TIAM2: variants seen among roughly 807,000 people sequenced by gnomAD.
The protein encoded by TIAM2 is rho guanine nucleotide exchange factor TIAM2.
In TIAM2, 80 loss-of-function variants were observed where a neutral mutation model predicts 152.9. That is an observed-to-expected ratio of 0.52 (90% confidence interval 0.44 to 0.63). The LOEUF is 0.63. Ranked by LOEUF, TIAM2 falls within the 30% of genes least tolerant of loss-of-function variation. The pLI, the probability that TIAM2 is intolerant of heterozygous loss-of-function variation, is 0.00. For missense variants in TIAM2, 1,965 were observed against 2,120.1 expected (o/e 0.93, Z 1.44); for synonymous variants, 804 against 838.0 (o/e 0.96, Z 0.70).
Position 155,170,201 on chromosome 6 carries a change from G to A in TIAM2, c.2361+4792G>A, listed in dbSNP as rs187968957. 3.8e-3 allele frequency among the ~76,000 whole-genome samples: 438 copies of A among 114,334 alleles called. 5 individuals are homozygous for A. Among genetic ancestry groups the A allele is most frequent in the African/African-American group, 0.015 (413 of 28,248 alleles). 75.0% of individuals were successfully genotyped at this position (114,334 alleles called of 152,430 possible). On this transcript the variant is annotated intron_variant, in intron 9 of 26. Transcript: ENST00000682666. ...ATGGCTCCCAGGAAAGCTTGTAATC[G>A]ATATAGTTTATATATGCCCTATTTC...
chr6:155,254,130 A>G, intron 25 of TIAM2, 70 bp downstream of exon 25: 16 of 1,495,510 alleles, frequency 1.1e-5, no homozygotes, highest in Non-Finnish European at 1.5e-5. Flanking sequence ...GGGAATTTAT[A>G]TTTAGTGCCC....
intron 9 of TIAM2, among the ~76,000 whole-genome samples, chr6:155,171,218 C>A (rs1780579462): frequency 6.6e-6 from 1 of 152,200 alleles, no homozygotes; most frequent in South Asian, 2.1e-4. Context: ...CACCCTAATT[C>A]AAAATCTGTT....
intron 1 of TIAM2, among the ~76,000 whole-genome samples, chr6:155,006,323 C>T (rs1778401029): frequency 6.6e-6 from 1 of 152,074 alleles, no homozygotes; most frequent in South Asian, 2.1e-4. Flanking sequence ...GGACATAAGT[C>T]CTGTGGCAGA....
chr6:155,216,462 G>A (rs997124081), intron 15 of TIAM2, among the ~76,000 whole-genome samples: 2 of 152,198 alleles, frequency 1.3e-5, no homozygotes, highest in East Asian at 1.9e-4. Flanking sequence ...TGACAGCCCC[G>A]CAATTTCTGC....
intron 14 of TIAM2, among the ~76,000 whole-genome samples, chr6:155,194,980 G>C (rs980119313): frequency 6.6e-6 from 1 of 152,186 alleles, no homozygotes; most frequent in Admixed American, 6.5e-5. Flanking sequence ...AGAAAGACAT[G>C]TTTGCGTCCC....
chr6:155,078,364 A>G (rs918209668), intron 1 of TIAM2, among the ~76,000 whole-genome samples: 3 of 152,088 alleles, frequency 2.0e-5, no homozygotes, highest in African/African-American at 7.2e-5. Flanking sequence ...ACTTTAATGA[A>G]AAAAGCACAA....
rs565998853 is a variant in TIAM2 at position 155,045,056 on chromosome 6, T to C, written c.-208-45233T>C. Among the ~76,000 whole-genome samples, 210 of 147,314 alleles carry C rather than the reference T, an allele frequency of 1.4e-3. 2 individuals carry two copies. The highest frequency in any genetic ancestry group is 2.8e-3 in the African/African-American group (111 of 39,884). On this transcript the variant is annotated intron_variant, in intron 1 of 26. Coordinates refer to ENST00000682666, the MANE Select transcript of TIAM2 (RefSeq NM_012454.4). ...CCTTTTTCTTTTTCTTTTTCTTTTT[T>C]TTTTTTTTTTTTGAGACAGAGTCTA...
At chr6:155,136,807 T>C (rs1203709686) in intron 4 of TIAM2, among the ~76,000 whole-genome samples, 1 of 152,226 alleles carries the variant, frequency 6.6e-6, no homozygotes, top group East Asian at 1.9e-4. Context: ...TATGAATTCT[T>C]TCCTGGAAGA....
intron 1 of TIAM2, among the ~76,000 whole-genome samples, chr6:155,019,455 A>C (rs1437797742): frequency 6.6e-6 from 1 of 152,242 alleles, no homozygotes; most frequent in Non-Finnish European, 1.5e-5. Context: ...GATTATTTTA[A>C]AAAGAAAAAT....
In TIAM2 at chr6:155,183,457, G is replaced by A; in HGVS notation, c.3021G>A (p.Leu1007=). ...TGCCCCCTCCTAACCAGTCCCAACT[G>A]CTGGAGGAATTCCTGGATAACTTTA... ...SLLPPPNQSQ[L]LEEFLDNFKK... is the part of the protein sequence containing the mutation. Residue 1007 remains leucine, a synonymous_variant, in exon 14 of 27, where the codon CTG becomes CTA. Transcript: ENST00000682666. 6.2e-7 allele frequency: 1 copy of A among 1,613,824 alleles called. No individual in the cohort carries two copies. The highest frequency in any genetic ancestry group is 8.5e-7 in the Non-Finnish European group (1 of 1,179,936).
At chr6:155,181,519 GT>G (rs1486341951) in intron 12 of TIAM2, among the ~76,000 whole-genome samples, 1 of 152,154 alleles carries the variant, frequency 6.6e-6, no homozygotes, top group Non-Finnish European at 1.5e-5. Flanking sequence ...TAGGTGTACA[GT>G]TTTGTGATGT....
At chr6:155,216,950 G>A in intron 15 of TIAM2, 2 of 1,221,204 alleles carry the variant, frequency 1.6e-6, no homozygotes, top group Non-Finnish European at 2.1e-6. Flanking sequence ...TGGAAGAGCA[G>A]TTTGGGATTT....
intron 8 of TIAM2, 101 bp from the exon 9 acceptor site, chr6:155,165,162 A>G (rs971261438): frequency 6.3e-6 from 8 of 1,279,584 alleles, no homozygotes; most frequent in African/African-American, 4.5e-5. Flanking sequence ...TTTTGGCGAT[A>G]GTCAGAATGC....
In TIAM2 at chr6:155,043,633, CAAAA is replaced by C. The variant is rs60093259; in HGVS notation, c.-208-46635_-208-46632del. On this transcript the variant is annotated intron_variant, in intron 1 of 26. Coordinates refer to ENST00000682666, the MANE Select transcript of TIAM2 (RefSeq NM_012454.4). ...TGGGTGACAGAGTGAGACCCTGTCT[CAAAA>C]AAAAAAAAAAAAAAAAAAAAGGATC... is the stretch of plus-strand genomic sequence containing the variant. Among the ~76,000 whole-genome samples the C allele has an allele frequency of 7.2e-4, 36 of 50,254 alleles. No homozygotes were observed. The East Asian group carries it at 0.017, about 24-fold the overall frequency. 33.0% of individuals were successfully genotyped at this position (50,254 alleles called of 152,430 possible).
intron 1 of TIAM2, among the ~76,000 whole-genome samples, chr6:155,028,626 T>TATATACTGTTATATATATACTACATATA (rs1776696209): frequency 9.1e-6 from 1 of 110,332 alleles, no homozygotes; most frequent in Non-Finnish European, 1.8e-5. Flanking sequence ...ACATATAATA[T>TATATACTGTTATATATATACTACATATA]ATATACTGTG....
At chr6:155,122,655 A>G (rs1300632854) in intron 2 of TIAM2, among the ~76,000 whole-genome samples, 1 of 152,180 alleles carries the variant, frequency 6.6e-6, no homozygotes, top group Non-Finnish European at 1.5e-5. Context: ...TTTGCTAACT[A>G]TACACATTCT....
chr6:155,104,522 C>T (rs1360821962), intron 2 of TIAM2, among the ~76,000 whole-genome samples: 1 of 152,098 alleles, frequency 6.6e-6, no homozygotes, highest in Non-Finnish European at 1.5e-5. Context: ...CTTTGGGAGG[C>T]CAAGGTGGGC....
chr6:155,137,193 A>G lies in TIAM2; in HGVS notation c.1211A>G (p.Glu404Gly). Residue 404 changes from glutamate to glycine, a missense_variant, in exon 5 of 27, where the codon GAG becomes GGG. Glu to Gly is a moderately conservative substitution (Grantham distance 98). Coordinates refer to ENST00000682666, the MANE Select transcript of TIAM2 (RefSeq NM_012454.4). ...KRKLQEPRSKEGSDYFDSRSD... is the reference protein window; with the variant it reads ...KRKLQEPRSKGGSDYFDSRSD... ...TTCTCACAGGAGCCGAGGTCCAAGG[A>G]GGGCAGTGACTACTTTGACAGTCGC... 2 of 1,612,928 alleles carry G rather than the reference A, an allele frequency of 1.2e-6. No homozygotes were observed. The highest frequency in any genetic ancestry group is 1.7e-6 in the Non-Finnish European group (2 of 1,178,954).
At chr6:155,016,586 TA>T (rs1287698358) in intron 1 of TIAM2, among the ~76,000 whole-genome samples, 1 of 152,064 alleles carries the variant, frequency 6.6e-6, no homozygotes, top group African/African-American at 2.4e-5. Context: ...TATTTACATT[TA>T]AATGGTAAAT....
Sources: gnomAD v4.1 joint callset for allele counts (sites outside exome capture counted in the v4.1 genomes callset) on GRCh38, gnomAD v4.1.1 for gene constraint, MANE v1.5 for transcripts, NCBI Gene and HGNC (gene_info 2026-07-23, HGNC 2026-07-21) for gene names.